Variants in HSDL1 observed in about 807,000 individuals in gnomAD.
HSDL1 encodes hydroxysteroid dehydrogenase like 1.
Under a neutral mutation model 31.5 loss-of-function variants are expected in HSDL1, and 29 were observed. The observed-to-expected ratio is 0.92, with a 90% confidence interval of 0.69 to 1.26. The LOEUF is 1.26. HSDL1 is among the 50% of genes most tolerant of loss of function. The pLI, the probability that HSDL1 is intolerant of heterozygous loss-of-function variation, is 0.00. For missense variants in HSDL1, 503 were observed against 416.6 expected, an observed-to-expected ratio of 1.21 and a Z score of -1.81; for synonymous variants, 222 against 155.2, an observed-to-expected ratio of 1.43 and a Z score of -3.20.
intron 1 of HSDL1, among the ~76,000 whole-genome samples, chr16:84,141,078 G>A (rs979607682): frequency 4.4e-5 from 6 of 137,836 alleles, no homozygotes; most frequent in South Asian, 2.1e-4. Context: ...GCGACAGAAC[G>A]AGACTCCGTC....
rs2086663074 is a variant in HSDL1 at position 84,131,331 on chromosome 16, C to A, written c.-6-4G>T. 6.3e-7 allele frequency: 1 copy of A among 1,597,396 alleles called. No homozygotes were observed. ...TGTCAACAGCAGCCATGGCAACCTGCAGGGAGAGGGAAAGAGAGAGAGCCT... is the reference window on the plus strand; with the variant it reads ...TGTCAACAGCAGCCATGGCAACCTGAAGGGAGAGGGAAAGAGAGAGAGCCT... On this transcript the variant is annotated splice_polypyrimidine_tract_variant and splice_region_variant and intron_variant, in intron 2 of 5. Transcript: ENST00000219439.
chr16:84,138,633 A>G (rs2086735723), intron 1 of HSDL1, among the ~76,000 whole-genome samples: 1 of 152,234 alleles, frequency 6.6e-6, no homozygotes, highest in Admixed American at 6.5e-5. Flanking sequence ...AAAAATATAA[A>G]ATAATTTAAA....
chr16:84,127,920 G>A (rs1342081853), intron 5 of HSDL1, among the ~76,000 whole-genome samples: 7 of 150,350 alleles, frequency 4.7e-5, no homozygotes, highest in Non-Finnish European at 8.9e-5. Context: ...GGGGTTTCAC[G>A]GTGTTAGCCA....
At chr16:84,127,423 C>T (rs943790034) in intron 5 of HSDL1, among the ~76,000 whole-genome samples, 4 of 151,560 alleles carry the variant, frequency 2.6e-5, no homozygotes, top group African/African-American at 9.7e-5. Flanking sequence ...ACCATGTTGG[C>T]AAGGCTGGTC....
intron 1 of HSDL1, among the ~76,000 whole-genome samples, chr16:84,142,686 C>T (rs142691943): frequency 0.023 from 3,449 of 152,096 alleles, 113 homozygotes; most frequent in African/African-American, 0.08. Context: ...CCTTGTGATC[C>T]GCCCACTTTG....
intron 1 of HSDL1, among the ~76,000 whole-genome samples, chr16:84,141,985 T>C (rs1369450161): frequency 6.6e-6 from 1 of 152,222 alleles, no homozygotes; most frequent in Non-Finnish European, 1.5e-5. Flanking sequence ...TGATGTGCAG[T>C]GGCATGATCA....
chr16:84,124,442 C>A lies in HSDL1; in HGVS notation c.*188G>T. The A allele has an allele frequency of 1.9e-6, 1 of 515,936 alleles. No homozygotes were observed. The highest frequency in any genetic ancestry group is 3.6e-6 in the Non-Finnish European group (1 of 278,612). 32.0% of individuals were successfully genotyped at this position (515,936 alleles called of 1,614,324 possible). ...AGCCTCAGGCATTATTGATCCTGTG[C>A]CATCCACACACCCTTAAGGTTTTTC... On this transcript the variant is annotated 3_prime_UTR_variant, in exon 6 of 6. Coordinates refer to ENST00000219439, the MANE Select transcript of HSDL1 (RefSeq NM_031463.5).
At position 84,139,735 on chromosome 16, in the gene HSDL1, A is replaced by G. The variant is rs201675730; in HGVS notation, c.-68-4130T>C. The stretch of plus-strand genomic sequence containing the variant: ...GCTGAAAACTCTGCAACCTCCCTTA[A>G]GCCAAAACCACTATGTGTATTCAGG... On this transcript the variant is annotated intron_variant, in intron 1 of 5. Coordinates refer to ENST00000219439, the MANE Select transcript of HSDL1 (RefSeq NM_031463.5). 2.0e-5 allele frequency among the ~76,000 whole-genome samples: 3 copies of G among 152,294 alleles called. No individual in the cohort carries two copies. In the East Asian group the frequency reaches 5.8e-4, roughly 29 times the overall value.
At chr16:84,134,490 G>C (rs557626851) in intron 2 of HSDL1, among the ~76,000 whole-genome samples, 1 of 152,152 alleles carries the variant, frequency 6.6e-6, no homozygotes, top group Non-Finnish European at 1.5e-5. Flanking sequence ...GGGTATGGTG[G>C]TGACTGCCCA....
intron 5 of HSDL1, among the ~76,000 whole-genome samples, chr16:84,126,668 T>C (rs1186593226): frequency 1.3e-5 from 2 of 152,134 alleles, no homozygotes; most frequent in Admixed American, 6.6e-5. Context: ...TGAATGATAA[T>C]AGAGGTCATT....
intron 1 of HSDL1, among the ~76,000 whole-genome samples, chr16:84,139,651 C>A (rs1025358573): frequency 6.6e-6 from 1 of 152,178 alleles, no homozygotes; most frequent in Non-Finnish European, 1.5e-5. Context: ...TAAGGATAAA[C>A]AGTGGGAGGA....
In HSDL1 at chr16:84,122,937, G is replaced by C. The variant is rs896990315; in HGVS notation, c.*1693C>G. ...TTCCATACCTAATTTATCAATCTAA[G>C]ACATTACTGGACCACGTAACCTTAC... On this transcript the variant is annotated 3_prime_UTR_variant, in exon 6 of 6. Transcript: ENST00000219439. 5 of 152,146 alleles carry C rather than the reference G, an allele frequency of 3.3e-5. No individual in the cohort carries two copies. The highest frequency in any genetic ancestry group is 1.2e-4 in the African/African-American group (5 of 41,416). 9.4% of individuals were successfully genotyped at this position (152,146 alleles called of 1,614,324 possible).
Position 84,142,664 on chromosome 16 carries a change from T to C in HSDL1, c.-69+2416A>G, listed in dbSNP as rs529234599. Among the ~76,000 whole-genome samples, 75 of 152,104 alleles carry C rather than the reference T, an allele frequency of 4.9e-4. No homozygotes were observed. The South Asian group carries it at 0.014, about 28-fold the overall frequency. On this transcript the variant is annotated intron_variant, in intron 1 of 5. Transcript: ENST00000219439. ...TTTCACCATATTGGCCAGGCTGGTCTTGAACTCCTGACCTTGTGATCCGCC... is the reference window on the plus strand; with the variant it reads ...TTTCACCATATTGGCCAGGCTGGTCCTGAACTCCTGACCTTGTGATCCGCC...
chr16:84,138,614 T>TG (rs1223321299), intron 1 of HSDL1, among the ~76,000 whole-genome samples: 1 of 152,234 alleles, frequency 6.6e-6, no homozygotes, highest in Non-Finnish European at 1.5e-5. Context: ...TATACTTCGA[T>TG]GAAGTTGGAA....
chr16:84,125,519 A>T (rs1015172940), intron 5 of HSDL1, among the ~76,000 whole-genome samples: 3 of 151,862 alleles, frequency 2.0e-5, no homozygotes, highest in African/African-American at 7.3e-5. Flanking sequence ...AATCACAATA[A>T]ATACCCACCG....
In HSDL1 at chr16:84,131,251, G is replaced by C. The variant is rs762628470; in HGVS notation, c.71C>G (p.Ala24Gly). The C allele has an allele frequency of 4.3e-6, 7 of 1,614,028 alleles. No individual in the cohort carries two copies. The highest frequency in any genetic ancestry group is 5.9e-6 in the Non-Finnish European group (7 of 1,180,032). Residue 24 changes from alanine (A) to glycine (G), a missense_variant, in exon 3 of 6, where the codon GCT (alanine) becomes GGT (glycine). Ala to Gly is a moderately conservative substitution (Grantham distance 60). Transcript: ENST00000219439. ...IARSCNCYME[A>G]LALVGAWYTA... ...ATACCAGGCTCCAACCAAAGCTAGA[G>C]CTTCCATATAGCAATTGCAAGACCT... is the stretch of plus-strand genomic sequence containing the variant.
At chr16:84,132,272 C>A (rs2086676612) in intron 2 of HSDL1, among the ~76,000 whole-genome samples, 1 of 151,982 alleles carries the variant, frequency 6.6e-6, no homozygotes, top group Non-Finnish European at 1.5e-5. Flanking sequence ...TGTGTAGGGA[C>A]AAAGGAGATG....
At chr16:84,128,760 T>A (rs902853549) in intron 5 of HSDL1, among the ~76,000 whole-genome samples, 1 of 151,594 alleles carries the variant, frequency 6.6e-6, no homozygotes, top group Non-Finnish European at 1.5e-5. Flanking sequence ...TAGGCTGGAG[T>A]GCAGTAGCGT....
At chr16:84,129,322 G>A (rs559841445) in intron 5 of HSDL1, among the ~76,000 whole-genome samples, 7 of 152,132 alleles carry the variant, frequency 4.6e-5, no homozygotes, top group African/African-American at 1.4e-4. Flanking sequence ...GGAGCTTGCA[G>A]TGAGCTGAGA....
Sources: allele counts gnomAD v4.1 joint callset (sites outside exome capture counted in the v4.1 genomes callset), GRCh38; gene constraint gnomAD v4.1.1; transcripts MANE v1.5; gene names NCBI Gene and HGNC (gene_info 2026-07-23, HGNC 2026-07-21).